Variants in ELF5 observed in about 807,000 individuals in gnomAD.
The protein encoded by ELF5 is E74 like ETS transcription factor 5.
ELF5 carries 31 observed loss-of-function variants against 38.2 expected under a neutral mutation model. The observed-to-expected ratio is 0.81, with a 90% confidence interval of 0.61 to 1.10. The LOEUF (loss-of-function observed/expected upper bound fraction) is 1.10. Among genes scored for constraint, ELF5 ranks in the 50% least tolerant of loss-of-function variants. ELF5 has a pLI of 0.00. For synonymous variants in ELF5, 121 were observed against 112.5 expected (o/e 1.08, Z -0.48); for missense variants, 300 against 306.6 (o/e 0.98, Z 0.16).
rs745792958 is a variant in ELF5 at position 34,493,522 on chromosome 11, G to A, written c.312C>T (p.Cys104=). 4.8e-5 allele frequency: 77 copies of A among 1,613,970 alleles called. No individual in the cohort carries two copies. The South Asian group carries it at 6.3e-4, about 13-fold the overall frequency. Residue 104 remains cysteine, a synonymous_variant, in exon 3 of 7, where the codon TGC becomes TGT. Coordinates refer to ENST00000257832, the MANE Select transcript of ELF5 (RefSeq NM_001422.4). ...QEEFVEAAGL[C]GEYLYFILQN... ...GGAGGATGAAGTACAGGTACTCGCC[G>A]CAGAGGCCAGCTGCCTCGACGAACT...
At chr11:34,493,179 A>T (rs911775073) in intron 3 of ELF5, 81 of 555,796 alleles carry the variant, frequency 1.5e-4, no homozygotes, top group Non-Finnish European at 2.4e-4. Context: ...TGTGGTTTCA[A>T]ATCATTATGA....
At chr11:34,503,191 C>A (rs1336928291) in intron 2 of ELF5, among the ~76,000 whole-genome samples, 1 of 152,202 alleles carries the variant, frequency 6.6e-6, no homozygotes, top group Non-Finnish European at 1.5e-5. Context: ...CAGAGTCTCC[C>A]CCTGTTGCTC....
intron 2 of ELF5, among the ~76,000 whole-genome samples, chr11:34,496,078 C>T (rs1179613248): frequency 6.6e-6 from 1 of 152,186 alleles, no homozygotes; most frequent in African/African-American, 2.4e-5. Context: ...TCTCTGCTTC[C>T]ACCCCCTTGT....
chr11:34,481,988 G>A (rs1856953220), intron 5 of ELF5, among the ~76,000 whole-genome samples: 1 of 152,136 alleles, frequency 6.6e-6, no homozygotes, highest in Non-Finnish European at 1.5e-5. Flanking sequence ...TTAGTGCTGG[G>A]GAAGCTAATA....
At chr11:34,493,753 G>C (rs746159642) in intron 2 of ELF5, 41 bp from the exon 3 acceptor site, 1 of 1,576,952 alleles carries the variant, frequency 6.3e-7, no homozygotes, top group Non-Finnish European at 8.7e-7. Flanking sequence ...ACAGTCCCAA[G>C]ACAGCCTTCG....
chr11:34,503,793 A>G (rs1850537041), intron 2 of ELF5, among the ~76,000 whole-genome samples: 1 of 152,220 alleles, frequency 6.6e-6, no homozygotes, highest in Admixed American at 6.5e-5. Context: ...CTTACCAGGT[A>G]CCGGACTGTG....
At chr11:34,502,435 G>A (rs1850496155) in intron 2 of ELF5, among the ~76,000 whole-genome samples, 1 of 152,224 alleles carries the variant, frequency 6.6e-6, no homozygotes, top group African/African-American at 2.4e-5. Flanking sequence ...TGCCAGAGGG[G>A]GCTTTTGTAG....
At chr11:34,510,978 G>A (rs1262710798) in intron 1 of ELF5, among the ~76,000 whole-genome samples, 1 of 152,062 alleles carries the variant, frequency 6.6e-6, no homozygotes, top group East Asian at 1.9e-4. Context: ...GGAGCCCTGG[G>A]CCTGGAGTTA....
intron 6 of ELF5, 48 bp from the exon 7 acceptor site, chr11:34,480,362 G>A: frequency 7.2e-7 from 1 of 1,396,430 alleles, no homozygotes; most frequent in East Asian, 2.3e-5. Context: ...TGCACCCTAG[G>A]AAAACAACAG....
At chr11:34,510,852 G>C (rs555143754) in intron 1 of ELF5, among the ~76,000 whole-genome samples, 14 of 152,330 alleles carry the variant, frequency 9.2e-5, no homozygotes, top group African/African-American at 3.4e-4. Flanking sequence ...GAAGCGCTGT[G>C]ATAGATCCAC....
At chr11:34,500,098 G>A (rs928881736) in intron 2 of ELF5, among the ~76,000 whole-genome samples, 1 of 152,176 alleles carries the variant, frequency 6.6e-6, no homozygotes, top group Non-Finnish European at 1.5e-5. Context: ...TGTTCTCAGG[G>A]AAACGGGGCC....
chr11:34,502,764 CTTGATGGGAATTTCTGTTTTCT>C (rs1850505636), intron 2 of ELF5, among the ~76,000 whole-genome samples: 1 of 152,208 alleles, frequency 6.6e-6, no homozygotes, highest in African/African-American at 2.4e-5. Context: ...GGCCGCATGA[CTTGATGGGAATTTCTGTTTTCT>C]CAGTGGGTGG....
intron 5 of ELF5, among the ~76,000 whole-genome samples, 163 bp downstream of exon 5, chr11:34,482,268 C>A (rs949463506): frequency 6.6e-6 from 1 of 152,212 alleles, no homozygotes; most frequent in African/African-American, 2.4e-5. Flanking sequence ...ATCAATCTGA[C>A]TTTGATAATA....
At chr11:34,494,382 T>A (rs1850262855) in intron 2 of ELF5, among the ~76,000 whole-genome samples, 1 of 152,198 alleles carries the variant, frequency 6.6e-6, no homozygotes, top group Admixed American at 6.5e-5. Flanking sequence ...AACCTTGGGT[T>A]ATTAGACATT....
rs572419026 is a variant in ELF5, at chr11:34,508,452, G to A, written c.-4-2699C>T. ...TGGGAGGCAGAGGTTGCAGTGAACC[G>A]AGATTGTGCCACTGCACTCCAGCCT... On this transcript the variant is annotated intron_variant, in intron 1 of 6. Coordinates refer to ENST00000257832, the MANE Select transcript of ELF5 (RefSeq NM_001422.4). 1.5e-3 allele frequency among the ~76,000 whole-genome samples: 231 copies of A among 152,108 alleles called. 1 individual carries two copies. Among genetic ancestry groups the A allele is most frequent in the African/African-American group, 5.2e-3 (216 of 41,488 alleles).
chr11:34,480,829 C>T lies in ELF5; in HGVS notation c.614G>A (p.Trp205Ter), dbSNP rs1316321610. 6.2e-7 allele frequency: 1 copy of T among 1,614,086 alleles called. No homozygotes were observed. Among genetic ancestry groups the T allele is most frequent in the Non-Finnish European group, 8.5e-7 (1 of 1,180,034 alleles). The change falls in exon 6 of 7, where the codon TGG (tryptophan) becomes TAG (stop). Residue 205 changes from tryptophan to a stop codon, truncating the protein, a stop_gained. Transcript: ENST00000257832. LOFTEE classifies it high-confidence loss of function. ...TCTGTCATTTTTCTTCCTTTGTCCC[C>T]ACATCTTTGCCAGGGCTTCCGATTT... Reference protein sequence around the residue: ...VVKSEALAKMWGQRKKNDRMT... With the variant: ...VVKSEALAKM
At chr11:34,483,146 C>T (rs565801166) in intron 4 of ELF5, among the ~76,000 whole-genome samples, 20 of 151,962 alleles carry the variant, frequency 1.3e-4, no homozygotes, top group African/African-American at 4.3e-4. Context: ...TCAGGGACTT[C>T]GCAGTTGCTC....
intron 2 of ELF5, among the ~76,000 whole-genome samples, chr11:34,501,277 G>A (rs1850460135): frequency 6.6e-6 from 1 of 152,136 alleles, no homozygotes; most frequent in Non-Finnish European, 1.5e-5. Context: ...CCCTTCTCTG[G>A]TGGTCCCTAA....
intron 2 of ELF5, among the ~76,000 whole-genome samples, chr11:34,504,295 G>A (rs1378149740): frequency 1.3e-5 from 2 of 152,230 alleles, no homozygotes; most frequent in Non-Finnish European, 2.9e-5. Context: ...TGGGAAACAA[G>A]GTGCTTCTTA....
Sources: allele counts gnomAD v4.1 joint callset (sites outside exome capture counted in the v4.1 genomes callset), GRCh38; gene constraint gnomAD v4.1.1; transcripts MANE v1.5; gene names NCBI Gene and HGNC (gene_info 2026-07-23, HGNC 2026-07-21).